Variants in RPS6KC1 observed in about 807,000 individuals in gnomAD.
The protein encoded by RPS6KC1 is ribosomal protein S6 kinase C1.
In RPS6KC1, 54 loss-of-function variants were observed where a neutral mutation model predicts 103.8. The observed-to-expected ratio is 0.52, with a 90% CI of 0.42 to 0.65. RPS6KC1 has a LOEUF of 0.65. Ranked by LOEUF, RPS6KC1 falls within the 30% of genes least tolerant of loss-of-function variation. The pLI, the probability that RPS6KC1 is intolerant of heterozygous loss-of-function variation, is 0.00. For missense variants in RPS6KC1, 1,151 were observed against 1,253.8 expected (o/e 0.92, Z 1.24); for synonymous variants, 439 against 438.7 (o/e 1.00, Z -0.01).
At chr1:213,343,702 G>C in the RPS6KC1 span, among the ~76,000 whole-genome samples, 1 of 151,754 alleles carries the variant, frequency 6.6e-6, no homozygotes, top group Admixed American at 6.6e-5. Context: ...AATGTACATT[G>C]CTTGGGTAGT....
At chr1:213,229,959 G>T (rs139597196) in intron 8 of RPS6KC1, among the ~76,000 whole-genome samples, 7 of 152,314 alleles carry the variant, frequency 4.6e-5, no homozygotes, top group Non-Finnish European at 8.8e-5. Context: ...AAGTGGTAAG[G>T]TGAGTTCAGA....
At chr1:213,245,547 A>G (rs2094440814) in intron 12 of RPS6KC1, among the ~76,000 whole-genome samples, 1 of 152,162 alleles carries the variant, frequency 6.6e-6, no homozygotes, top group Non-Finnish European at 1.5e-5. Flanking sequence ...CCTCCTGGGA[A>G]TCCTTATCAC....
the RPS6KC1 span, among the ~76,000 whole-genome samples, chr1:213,418,089 G>C: frequency 6.6e-6 from 1 of 152,132 alleles, no homozygotes; most frequent in African/African-American, 2.4e-5. Context: ...CTTACTCTTG[G>C]AGCACGAGGG....
chr1:213,556,803 T>G, the RPS6KC1 span, among the ~76,000 whole-genome samples: 23 of 152,174 alleles, frequency 1.5e-4, no homozygotes, highest in Non-Finnish European at 2.6e-4. Flanking sequence ...CACACAAAGT[T>G]CTTTGCCCTC....
the RPS6KC1 span, among the ~76,000 whole-genome samples, chr1:213,602,150 C>CTTTCTTTCTTTCT: frequency 1.3e-5 from 1 of 79,670 alleles, no homozygotes; most frequent in South Asian, 4.8e-4. Context: ...TTCTTTCTTT[C>CTTTCTTTCTTTCT]TTTCTTTCTT....
At chr1:213,790,356 C>CT in the RPS6KC1 span, among the ~76,000 whole-genome samples, 1 of 152,120 alleles carries the variant, frequency 6.6e-6, no homozygotes, top group East Asian at 1.9e-4. Flanking sequence ...GTATGTATGA[C>CT]TTTCTCTTTA....
chr1:213,371,936 C>T, the RPS6KC1 span, among the ~76,000 whole-genome samples: 1 of 152,230 alleles, frequency 6.6e-6, no homozygotes, highest in African/African-American at 2.4e-5. Flanking sequence ...TCTTCATGAA[C>T]ATACTCCAGT....
At chr1:213,163,835 T>C (rs1395900815) in intron 6 of RPS6KC1, among the ~76,000 whole-genome samples, 2 of 152,218 alleles carry the variant, frequency 1.3e-5, no homozygotes, top group African/African-American at 4.8e-5. Flanking sequence ...TTCCTGTATG[T>C]TTGTCTGTTG....
At chr1:213,348,800 C>T in the RPS6KC1 span, among the ~76,000 whole-genome samples, 1 of 152,302 alleles carries the variant, frequency 6.6e-6, no homozygotes, top group East Asian at 1.9e-4. Context: ...CTTCTTCCCT[C>T]CTCTGTATAA....
the RPS6KC1 span, among the ~76,000 whole-genome samples, chr1:213,328,005 A>G: frequency 9.9e-5 from 15 of 152,162 alleles, no homozygotes; most frequent in Admixed American, 9.8e-4. Context: ...TATTCCCTTT[A>G]TAACTCTTAC....
At chr1:213,176,543 T>C in intron 8 of RPS6KC1, 51 bp downstream of exon 8, 1 of 1,207,188 alleles carries the variant, frequency 8.3e-7, no homozygotes, top group Non-Finnish European at 1.2e-6. Context: ...GACTGCATGC[T>C]GACATTCTGT....
At chr1:213,615,256 G>A in the RPS6KC1 span, among the ~76,000 whole-genome samples, 2 of 152,200 alleles carry the variant, frequency 1.3e-5, no homozygotes, top group African/African-American at 4.8e-5. Context: ...GGCTGTCAAG[G>A]GGAGAGGCTG....
At chr1:213,208,633 G>A (rs2093421000) in intron 8 of RPS6KC1, among the ~76,000 whole-genome samples, 1 of 152,096 alleles carries the variant, frequency 6.6e-6, no homozygotes, top group Non-Finnish European at 1.5e-5. Flanking sequence ...TCTGCTCAGG[G>A]AGTTAGTTTA....
intron 6 of RPS6KC1, among the ~76,000 whole-genome samples, chr1:213,150,208 T>G (rs1039988022): frequency 2.0e-5 from 3 of 152,074 alleles, no homozygotes; most frequent in African/African-American, 7.2e-5. Context: ...TTAGTGGTCT[T>G]TCTTCTTTCT....
At chr1:213,256,347 A>T (rs561995214) in intron 12 of RPS6KC1, among the ~76,000 whole-genome samples, 1 of 151,748 alleles carries the variant, frequency 6.6e-6, no homozygotes, top group Non-Finnish European at 1.5e-5. Context: ...AGCTTAGCTA[A>T]AGTGTCTCCA....
the RPS6KC1 span, among the ~76,000 whole-genome samples, chr1:213,627,141 C>T: frequency 1.3e-5 from 2 of 152,280 alleles, no homozygotes; most frequent in East Asian, 1.9e-4. Flanking sequence ...AGGTCCTTCA[C>T]GTCCCTTGTA....
chr1:213,095,637 C>G (rs569778446), intron 3 of RPS6KC1, among the ~76,000 whole-genome samples: 15 of 152,222 alleles, frequency 9.9e-5, no homozygotes, highest in African/African-American at 3.1e-4. Flanking sequence ...AGGTATACCT[C>G]AGAGATATTG....
chr1:213,253,799 C>T (rs1168566488), intron 12 of RPS6KC1, among the ~76,000 whole-genome samples: 2 of 152,134 alleles, frequency 1.3e-5, no homozygotes, highest in Non-Finnish European at 1.5e-5. Context: ...CCTTTCCCAT[C>T]GCTATATAGA....
chr1:213,488,598 T>C, the RPS6KC1 span, among the ~76,000 whole-genome samples: 1 of 152,220 alleles, frequency 6.6e-6, no homozygotes. Flanking sequence ...TAGAGTAGAT[T>C]GACCCTAAAC....
Sources: allele counts gnomAD v4.1 joint callset (sites outside exome capture counted in the v4.1 genomes callset), GRCh38; gene constraint gnomAD v4.1.1; transcripts MANE v1.5; gene names NCBI Gene and HGNC (gene_info 2026-07-23, HGNC 2026-07-21).